The following MYO1D variants were observed in gnomAD, a reference collection of about 807,000 sequenced individuals.
MYO1D encodes the protein unconventional myosin-Id.
MYO1D carries 83 observed loss-of-function variants against 122.0 expected under a neutral mutation model. The ratio of observed to expected loss-of-function variants is 0.68; its 90% CI spans 0.57 to 0.82. The LOEUF (loss-of-function observed/expected upper bound fraction) is 0.82, where lower values mean the gene tolerates loss of function less well. Ranked by LOEUF, MYO1D falls within the 40% of genes least tolerant of loss-of-function variation. The pLI, the probability that MYO1D is intolerant of heterozygous loss-of-function variation, is 0.00. For missense variants in MYO1D, 1,157 were observed against 1,269.5 expected, an observed-to-expected ratio of 0.91 and a Z score of 1.35; for synonymous variants, 464 against 446.9, an observed-to-expected ratio of 1.04 and a Z score of -0.48.
intron 16 of MYO1D, among the ~76,000 whole-genome samples, chr17:32,668,137 T>C (rs1406534838): frequency 6.6e-6 from 1 of 152,190 alleles, no homozygotes; most frequent in East Asian, 1.9e-4. Flanking sequence ...AAAGAGGAGG[T>C]AAAAACTTGG....
At chr17:32,854,784 C>T (rs545767320) in intron 1 of MYO1D, among the ~76,000 whole-genome samples, 1 of 152,208 alleles carries the variant, frequency 6.6e-6, no homozygotes, top group East Asian at 1.9e-4. Flanking sequence ...GTTGAATAGG[C>T]ACAATAAAGT....
chr17:32,649,850 G>A (rs1414930670), intron 19 of MYO1D, among the ~76,000 whole-genome samples: 1 of 152,142 alleles, frequency 6.6e-6, no homozygotes, highest in Non-Finnish European at 1.5e-5. Context: ...GGGATTATGG[G>A]TGTGAGCCAC....
rs139057578 is a variant in MYO1D at position 32,768,231 on chromosome 17, G to A, written c.715-479C>T. Among the ~76,000 whole-genome samples the A allele has an allele frequency of 5.4e-3, 830 of 152,296 alleles. 5 individuals carry two copies. The highest frequency in any genetic ancestry group is 0.019 in the African/African-American group (794 of 41,554). On this transcript the variant is annotated intron_variant, in intron 6 of 21. Transcript: ENST00000318217. ...GTTTATTTTCCAGGTGAGGCAAGGC[G>A]GGCCCTCAAAAGCAAAACAGCCAGC...
intron 21 of MYO1D, among the ~76,000 whole-genome samples, chr17:32,604,064 T>C (rs1382778567): frequency 6.6e-6 from 1 of 152,170 alleles, no homozygotes; most frequent in Non-Finnish European, 1.5e-5. Context: ...AAATGGTCTG[T>C]GCAGCCCACC....
intron 16 of MYO1D, among the ~76,000 whole-genome samples, chr17:32,666,353 A>C (rs116042844): frequency 6.6e-5 from 10 of 151,924 alleles, no homozygotes; most frequent in African/African-American, 2.4e-4. Context: ...TTATGCTGAC[A>C]CCTCTTGTCT....
chr17:32,787,422 C>CTTT (rs755065126), intron 1 of MYO1D, among the ~76,000 whole-genome samples: 1 of 142,396 alleles, frequency 7.0e-6, no homozygotes. Flanking sequence ...GGTATGTACT[C>CTTT]TTTTTTTTTT....
chr17:32,682,348 G>A (rs1160718691), intron 16 of MYO1D, among the ~76,000 whole-genome samples: 2 of 149,908 alleles, frequency 1.3e-5, no homozygotes, highest in African/African-American at 4.9e-5. Flanking sequence ...TCCTAGTCTC[G>A]ATGGTCTTTA....
At chr17:32,854,903 G>C (rs1315907163) in intron 1 of MYO1D, among the ~76,000 whole-genome samples, 1 of 152,318 alleles carries the variant, frequency 6.6e-6, no homozygotes, top group East Asian at 1.9e-4. Flanking sequence ...TGGTCCCTAT[G>C]AAGATGCCAA....
chr17:32,839,075 G>A (rs563911031), intron 1 of MYO1D, among the ~76,000 whole-genome samples: 1 of 152,194 alleles, frequency 6.6e-6, no homozygotes, highest in Admixed American at 6.5e-5. Flanking sequence ...AACATAAGTT[G>A]TTAGCAAAAC....
intron 3 of MYO1D, 148 bp from the exon 4 acceptor site, chr17:32,776,177 T>C: frequency 1.4e-6 from 1 of 690,046 alleles, no homozygotes; most frequent in South Asian, 2.2e-5. Flanking sequence ...AACAAACAAA[T>C]TAATGTCCAC....
chr17:32,750,414 C>T (rs554913471), intron 11 of MYO1D, among the ~76,000 whole-genome samples: 1 of 151,920 alleles, frequency 6.6e-6, no homozygotes, highest in African/African-American at 2.4e-5. Context: ...GAGATTGAGA[C>T]CATCCTGGCT....
intron 1 of MYO1D, among the ~76,000 whole-genome samples, chr17:32,816,112 T>C (rs895525491): frequency 6.6e-6 from 1 of 152,204 alleles, no homozygotes; most frequent in Non-Finnish European, 1.5e-5. Context: ...TTATTGAGAA[T>C]GTCTGTGGGT....
chr17:32,626,831 C>T (rs1433734035), intron 20 of MYO1D, among the ~76,000 whole-genome samples: 1 of 152,140 alleles, frequency 6.6e-6, no homozygotes, highest in Non-Finnish European at 1.5e-5. Context: ...TTAGTCGTCA[C>T]ATTTCTTAGA....
At chr17:32,704,460 G>A (rs1350951116) in intron 16 of MYO1D, among the ~76,000 whole-genome samples, 2 of 152,136 alleles carry the variant, frequency 1.3e-5, no homozygotes, top group Non-Finnish European at 2.9e-5. Flanking sequence ...TAGTTGGTGG[G>A]AACATAAATT....
intron 15 of MYO1D, among the ~76,000 whole-genome samples, chr17:32,717,870 T>C (rs1362257750): frequency 6.6e-6 from 1 of 152,232 alleles, no homozygotes; most frequent in African/African-American, 2.4e-5. Context: ...ATCCTTTTAA[T>C]CTGAAGATTC....
At chr17:32,624,854 G>C (rs1217263506) in intron 20 of MYO1D, among the ~76,000 whole-genome samples, 1 of 150,470 alleles carries the variant, frequency 6.6e-6, no homozygotes, top group African/African-American at 2.4e-5. Context: ...GCAATGGCGC[G>C]ATCTTGGCTC....
intron 1 of MYO1D, among the ~76,000 whole-genome samples, chr17:32,811,632 T>C (rs2151050815): frequency 7.0e-6 from 1 of 142,044 alleles, no homozygotes; most frequent in Admixed American, 7.0e-5. Flanking sequence ...TTTTTTTTTT[T>C]TTTTTTTTTT....
At chr17:32,616,378 T>C (rs567987023) in intron 20 of MYO1D, among the ~76,000 whole-genome samples, 23 of 152,208 alleles carry the variant, frequency 1.5e-4, no homozygotes, top group Middle Eastern at 6.8e-3. Flanking sequence ...AGTGGTGCAA[T>C]GATGGCTCAA....
chr17:32,659,258 G>T lies in MYO1D; in HGVS notation c.2202C>A (p.Tyr734Ter). 1.2e-6 allele frequency: 2 copies of T among 1,614,230 alleles called. No homozygotes were observed. The highest frequency in any genetic ancestry group is 1.7e-6 in the Non-Finnish European group (2 of 1,180,036). Reference sequence around the variant, plus strand: ...CCTCGTGGATGTACGACTTCACTTTGTAGCGCCGGTAGTACCTGATTATTG... The same window carrying T: ...CCTCGTGGATGTACGACTTCACTTTTTAGCGCCGGTAGTACCTGATTATTG... Reference protein sequence around the residue: ...ALTIIRYYRRYKVKSYIHEVA... With the variant: ...ALTIIRYYRR Residue 734 changes from tyrosine (Y) to a stop codon, truncating the protein, a stop_gained, in exon 17 of 22, where the codon TAC becomes TAA. Coordinates refer to ENST00000318217, the MANE Select transcript of MYO1D (RefSeq NM_015194.3). LOFTEE classifies it high-confidence loss of function.
Sources: allele counts gnomAD v4.1 joint callset (sites outside exome capture counted in the v4.1 genomes callset), GRCh38; gene constraint gnomAD v4.1.1; transcripts MANE v1.5; gene names NCBI Gene and HGNC (gene_info 2026-07-23, HGNC 2026-07-21).